The following PPFIBP1 variants were observed in gnomAD, a reference collection of about 807,000 sequenced individuals.
PPFIBP1 encodes liprin-beta-1.
PPFIBP1 carries 112 observed loss-of-function variants against 137.8 expected under a neutral mutation model. The observed-to-expected ratio is 0.81, with a 90% CI of 0.70 to 0.95. PPFIBP1 has a LOEUF of 0.95. PPFIBP1 is among the 40% of genes least tolerant of loss of function. The pLI is 0.00. For missense variants in PPFIBP1, 1,083 were observed against 1,196.6 expected, an observed-to-expected ratio of 0.91 and a Z score of 1.40; for synonymous variants, 378 against 417.3, an observed-to-expected ratio of 0.91 and a Z score of 1.15.
At chr12:27,585,625 A>G (rs1181168102) in intron 2 of PPFIBP1, among the ~76,000 whole-genome samples, 3 of 152,250 alleles carry the variant, frequency 2.0e-5, no homozygotes, top group Non-Finnish European at 4.4e-5. Flanking sequence ...AGGGAAAGAC[A>G]TAAGTGCACA....
intron 1 of PPFIBP1, among the ~76,000 whole-genome samples, chr12:27,540,595 A>G (rs556658453): frequency 6.6e-6 from 1 of 152,298 alleles, no homozygotes; most frequent in East Asian, 1.9e-4. Context: ...ATTCCTGTCT[A>G]TACAATAGAT....
chr12:27,642,130 C>T (rs550918235), intron 4 of PPFIBP1, among the ~76,000 whole-genome samples: 4 of 152,254 alleles, frequency 2.6e-5, no homozygotes, highest in East Asian at 3.9e-4. Context: ...AGGGATAAAG[C>T]GTTTTAGATG....
chr12:27,529,345 A>G (rs536890903), intron 1 of PPFIBP1, among the ~76,000 whole-genome samples: 6 of 152,324 alleles, frequency 3.9e-5, no homozygotes, highest in African/African-American at 1.2e-4. Context: ...GTGAAACTCC[A>G]TTTCACCTGG....
intron 2 of PPFIBP1, among the ~76,000 whole-genome samples, chr12:27,602,073 G>A (rs941196342): frequency 2.0e-5 from 3 of 152,342 alleles, no homozygotes; most frequent in Non-Finnish European, 4.4e-5. Context: ...AGCTGCTCTA[G>A]ACAGTCCCTG....
intron 24 of PPFIBP1, among the ~76,000 whole-genome samples, chr12:27,685,020 C>T (rs1324706751): frequency 6.6e-6 from 1 of 152,178 alleles, no homozygotes; most frequent in South Asian, 2.1e-4. Flanking sequence ...TAGGACACTA[C>T]ATTAAAACAC....
At chr12:27,567,097 A>T (rs2049742474) in intron 1 of PPFIBP1, among the ~76,000 whole-genome samples, 1 of 152,234 alleles carries the variant, frequency 6.6e-6, no homozygotes, top group African/African-American at 2.4e-5. Context: ...GCAGAATATC[A>T]ATAAGGAAAA....
At chr12:27,683,764 A>ATTTATT (rs140395529) in intron 24 of PPFIBP1, among the ~76,000 whole-genome samples, 6 of 151,670 alleles carry the variant, frequency 4.0e-5, no homozygotes, top group Non-Finnish European at 8.8e-5. Flanking sequence ...CTCTTTATTT[A>ATTTATT]TTTATTTTTA....
At chr12:27,616,678 A>G (rs1371520070) in intron 2 of PPFIBP1, among the ~76,000 whole-genome samples, 4 of 152,258 alleles carry the variant, frequency 2.6e-5, no homozygotes, top group African/African-American at 7.2e-5. Flanking sequence ...AAAGCTTGGC[A>G]TGAGATCAAG....
At chr12:27,635,252 A>T in intron 4 of PPFIBP1, 137 bp downstream of exon 4, 4 of 806,776 alleles carry the variant, frequency 5.0e-6, no homozygotes, top group Non-Finnish European at 7.8e-6. Context: ...AAGATATCTT[A>T]ATTTTCTTTT....
At chr12:27,656,831 GAA>G (rs2059230162) in intron 9 of PPFIBP1, 101 bp downstream of exon 9, 2 of 794,754 alleles carry the variant, frequency 2.5e-6, no homozygotes, top group Non-Finnish European at 4.2e-6. Context: ...TAGCATCAAA[GAA>G]AGAGCAGCAG....
rs555618522 is a variant in PPFIBP1 at position 27,555,950 on chromosome 12, A to G, written c.-123-22202A>G. On this transcript the variant is annotated intron_variant, in intron 1 of 29. Transcript: ENST00000228425. ...CATGTTAAACTTAGATGCAGTGTTT[A>G]GAACTTAAACTGTGAAGTTTAAGTT... Among the ~76,000 whole-genome samples, 25 of 152,356 alleles carry G rather than the reference A, an allele frequency of 1.6e-4. No individual in the cohort carries two copies. In the South Asian group the frequency reaches 4.3e-3, roughly 26 times the overall value.
chr12:27,530,703 G>A (rs1014168190), intron 1 of PPFIBP1, among the ~76,000 whole-genome samples: 4 of 152,148 alleles, frequency 2.6e-5, no homozygotes, highest in African/African-American at 9.7e-5. Context: ...CCTTGCAGCT[G>A]GGAGGTGGTT....
chr12:27,578,253 C>A lies in PPFIBP1; in HGVS notation c.-36+14C>A, dbSNP rs1474803582. On this transcript the variant is annotated intron_variant, in intron 2 of 29. Transcript: ENST00000228425. The stretch of plus-strand genomic sequence containing the variant: ...CTTTTTAAAAATGTAAGTGAACTCA[C>A]TTCTGGCCATGGTTCATTTCAGACT... 3 of 152,142 alleles carry A rather than the reference C, an allele frequency of 2.0e-5. No homozygotes were observed. The highest frequency in any genetic ancestry group is 7.2e-5 in the African/African-American group (3 of 41,432). The allele number at this position is 152,142 out of a possible 1,614,324, so 9.4% of individuals were successfully genotyped here. A position where few individuals can be genotyped will look rare whatever the true frequency, so the allele number is the denominator to read the frequency against.
At chr12:27,572,079 G>A (rs1350108974) in intron 1 of PPFIBP1, among the ~76,000 whole-genome samples, 1 of 151,992 alleles carries the variant, frequency 6.6e-6, no homozygotes, top group Non-Finnish European at 1.5e-5. Flanking sequence ...TAAAGTTCTT[G>A]CCCCCAACTG....
intron 2 of PPFIBP1, among the ~76,000 whole-genome samples, chr12:27,616,125 C>A (rs1311922328): frequency 1.3e-5 from 2 of 151,862 alleles, no homozygotes; most frequent in Non-Finnish European, 1.5e-5. Context: ...CTTCCTCCCT[C>A]CTCTTTTCCC....
intron 1 of PPFIBP1, among the ~76,000 whole-genome samples, chr12:27,527,949 G>GT (rs1409848148): frequency 6.6e-6 from 1 of 151,648 alleles, no homozygotes. Context: ...TTGCTTTTTT[G>GT]TTTGTTTGTT....
At chr12:27,688,076 G>A (rs1407256630) in intron 25 of PPFIBP1, 2 of 492,538 alleles carry the variant, frequency 4.1e-6, no homozygotes, top group Non-Finnish European at 7.1e-6. Context: ...AAGAGAATTA[G>A]ACCCTGTCTT....
At position 27,679,573 on chromosome 12, in the gene PPFIBP1, T is replaced by C. The variant is rs1325036783; in HGVS notation, c.1700T>C (p.Phe567Ser). The C allele has an allele frequency of 6.2e-7, 1 of 1,613,872 alleles. No homozygotes were observed. The change falls in exon 20 of 30, where the codon TTC (phenylalanine) becomes TCC (serine). Residue 567 changes from phenylalanine (F) to serine (S), a missense_variant. Phe to Ser is a radical substitution (Grantham distance 155). Coordinates refer to ENST00000228425, the MANE Select transcript of PPFIBP1 (RefSeq NM_003622.4). ...AAAGATTCACAGAGGAACAGTCCCT[T>C]CCAGATACCGCCTCCATCTCCAGAT... ...RPKDSQRNSP[F>S]QIPPPSPDSK...
chr12:27,647,643 C>CTT (rs34792131), intron 5 of PPFIBP1, 86 bp from the exon 6 acceptor site: 71 of 760,512 alleles, frequency 9.3e-5, no homozygotes, highest in African/African-American at 2.8e-4. Context: ...AGGATCATTC[C>CTT]TTTTTTTGTT....
Sources: gnomAD v4.1 joint callset for allele counts (sites outside exome capture counted in the v4.1 genomes callset) on GRCh38, gnomAD v4.1.1 for gene constraint, MANE v1.5 for transcripts, NCBI Gene and HGNC (gene_info 2026-07-23, HGNC 2026-07-21) for gene names.